Variants in SPATA17 observed in about 807,000 individuals in gnomAD.
The protein encoded by SPATA17 is spermatogenesis associated 17.
SPATA17 carries 53 observed loss-of-function variants against 62.2 expected under a neutral mutation model. The observed-to-expected ratio is 0.85, with a 90% CI of 0.68 to 1.07. SPATA17 has a LOEUF of 1.07. Among genes scored for constraint, SPATA17 ranks in the 50% least tolerant of loss-of-function variants. SPATA17 has a pLI of 0.00. For missense variants in SPATA17, 466 were observed against 425.5 expected, an observed-to-expected ratio of 1.10 and a Z score of -0.84; for synonymous variants, 146 against 146.8, an observed-to-expected ratio of 0.99 and a Z score of 0.04.
At chr1:217,685,014 T>C (rs1359428226) in intron 5 of SPATA17, among the ~76,000 whole-genome samples, 2 of 152,082 alleles carry the variant, frequency 1.3e-5, no homozygotes, top group Non-Finnish European at 2.9e-5. Flanking sequence ...ACGTGAATCA[T>C]AGGGGACTGC....
Position 217,774,432 on chromosome 1 carries a change from T to C in SPATA17, c.618T>C (p.Val206=), listed in dbSNP as rs1401051707. 1.2e-6 allele frequency: 2 copies of C among 1,614,020 alleles called. No individual in the cohort carries two copies. Among genetic ancestry groups the C allele is most frequent in the Non-Finnish European group, 1.7e-6 (2 of 1,180,008 alleles). ...CTTTAACACACCGAAGACCTAAAGTTAAGCAGAAGGACTCCACCAGCCTTA... is the reference window on the plus strand; with the variant it reads ...CTTTAACACACCGAAGACCTAAAGTCAAGCAGAAGGACTCCACCAGCCTTA... ...AKPLTHRRPK[V]KQKDSTSLTD... Residue 206 remains valine (V), a synonymous_variant, in exon 7 of 11, where the codon GTT becomes GTC. Coordinates refer to ENST00000366933, the MANE Select transcript of SPATA17 (RefSeq NM_138796.4).
At chr1:217,734,326 G>A (rs145906504) in intron 5 of SPATA17, among the ~76,000 whole-genome samples, 1 of 152,244 alleles carries the variant, frequency 6.6e-6, no homozygotes, top group African/African-American at 2.4e-5. Flanking sequence ...ACACTTTTAT[G>A]CCAAATACAC....
At chr1:217,758,130 A>G (rs1052937156) in intron 6 of SPATA17, among the ~76,000 whole-genome samples, 2 of 152,216 alleles carry the variant, frequency 1.3e-5, no homozygotes, top group African/African-American at 4.8e-5. Flanking sequence ...TATTTATTGA[A>G]TGCTTACTGT....
chr1:217,683,867 A>T (rs1218343104), intron 5 of SPATA17, among the ~76,000 whole-genome samples: 1 of 152,086 alleles, frequency 6.6e-6, no homozygotes, highest in Non-Finnish European at 1.5e-5. Context: ...ACTGCAAGTT[A>T]TTTATGTGTG....
intron 8 of SPATA17, among the ~76,000 whole-genome samples, chr1:217,796,268 A>T (rs1674149893): frequency 6.6e-6 from 1 of 152,176 alleles, no homozygotes; most frequent in South Asian, 2.1e-4. Context: ...TTTTAAAAAT[A>T]TTTTTCACAA....
chr1:217,723,191 A>G (rs1432553142), intron 5 of SPATA17, among the ~76,000 whole-genome samples: 1 of 152,210 alleles, frequency 6.6e-6, no homozygotes, highest in Non-Finnish European at 1.5e-5. Context: ...GCCAGCAAAT[A>G]TCAACTGAGA....
chr1:217,658,560 C>A (rs1670492345), intron 3 of SPATA17, among the ~76,000 whole-genome samples: 1 of 152,014 alleles, frequency 6.6e-6, no homozygotes, highest in Non-Finnish European at 1.5e-5. Context: ...AGATCAAGAC[C>A]ATCCTGGTTA....
chr1:217,711,482 T>C (rs1671862405), intron 5 of SPATA17, among the ~76,000 whole-genome samples: 3 of 152,302 alleles, frequency 2.0e-5, no homozygotes, highest in Admixed American at 6.5e-5. Flanking sequence ...TAGATATGAA[T>C]TCGAGTCATA....
chr1:217,765,071 T>C (rs1396953285), intron 6 of SPATA17, among the ~76,000 whole-genome samples: 1 of 152,080 alleles, frequency 6.6e-6, no homozygotes, highest in Non-Finnish European at 1.5e-5. Flanking sequence ...ATTTATAATA[T>C]TCCTTTTTAT....
chr1:217,631,936 A>C (rs1173364600), intron 1 of SPATA17, among the ~76,000 whole-genome samples: 1 of 152,084 alleles, frequency 6.6e-6, no homozygotes, highest in South Asian at 2.1e-4. Context: ...TAATCCCAGC[A>C]CTTTGGGAGG....
At chr1:217,711,666 T>C (rs1345863546) in intron 5 of SPATA17, among the ~76,000 whole-genome samples, 1 of 152,210 alleles carries the variant, frequency 6.6e-6, no homozygotes, top group Non-Finnish European at 1.5e-5. Flanking sequence ...GTGGCTATTA[T>C]TATCAAGGAC....
chr1:217,667,352 T>C (rs182367256), intron 3 of SPATA17, among the ~76,000 whole-genome samples: 4 of 152,174 alleles, frequency 2.6e-5, no homozygotes, highest in Admixed American at 2.6e-4. Context: ...TGGCCTAGAA[T>C]TTTACTTATA....
At chr1:217,843,518 G>A (rs185547192) in intron 9 of SPATA17, among the ~76,000 whole-genome samples, 3 of 152,104 alleles carry the variant, frequency 2.0e-5, no homozygotes, top group Admixed American at 6.6e-5. Context: ...AGAAGGACAT[G>A]GACAGTACAT....
intron 3 of SPATA17, 77 bp downstream of exon 3, chr1:217,651,255 A>G (rs938526915): frequency 6.3e-5 from 77 of 1,225,594 alleles, no homozygotes; most frequent in South Asian, 3.2e-5. Context: ...TCATATTTCC[A>G]TATAGTTTGG....
At chr1:217,686,525 C>T (rs1671219312) in intron 5 of SPATA17, among the ~76,000 whole-genome samples, 1 of 151,748 alleles carries the variant, frequency 6.6e-6, no homozygotes. Context: ...AGAAACATCT[C>T]TCAGATTTTT....
chr1:217,655,384 T>C (rs372114933), intron 3 of SPATA17, among the ~76,000 whole-genome samples: 1 of 152,208 alleles, frequency 6.6e-6, no homozygotes, highest in African/African-American at 2.4e-5. Flanking sequence ...GATGCATATG[T>C]CATCAGTTTG....
chr1:217,751,470 G>GA (rs1672904685), intron 6 of SPATA17, among the ~76,000 whole-genome samples: 1 of 152,188 alleles, frequency 6.6e-6, no homozygotes, highest in African/African-American at 2.4e-5. Flanking sequence ...TCACATCACA[G>GA]AATCATCACA....
intron 5 of SPATA17, among the ~76,000 whole-genome samples, chr1:217,736,707 T>C (rs2102944769): frequency 6.6e-6 from 1 of 152,304 alleles, no homozygotes; most frequent in South Asian, 2.1e-4. Context: ...AGGTTTGTAT[T>C]GTGTGTTAGT....
chr1:217,761,831 G>A (rs1673180047), intron 6 of SPATA17, among the ~76,000 whole-genome samples: 1 of 152,128 alleles, frequency 6.6e-6, no homozygotes, highest in African/African-American at 2.4e-5. Flanking sequence ...TTCTTGCAAA[G>A]TCTTTCAAAA....
Sources: allele counts gnomAD v4.1 joint callset (sites outside exome capture counted in the v4.1 genomes callset), GRCh38; gene constraint gnomAD v4.1.1; transcripts MANE v1.5; gene names NCBI Gene and HGNC (gene_info 2026-07-23, HGNC 2026-07-21).